The following PLCE1 variants were observed in gnomAD, a reference collection of about 807,000 sequenced individuals.
PLCE1 encodes the protein phospholipase C epsilon 1, also known as 1-phosphatidylinositol 4,5-bisphosphate phosphodiesterase epsilon-1.
PLCE1 carries 119 observed loss-of-function variants against 242.8 expected under a neutral mutation model. The observed-to-expected ratio is 0.49, with a 90% CI of 0.42 to 0.57. PLCE1 has a LOEUF of 0.57. Ranked by LOEUF, PLCE1 falls within the 20% of genes least tolerant of loss-of-function variation. The probability of loss-of-function intolerance (pLI) is 0.00; values close to 1 mark genes in which losing one functional copy is unlikely to be tolerated. For synonymous variants in PLCE1, 945 were observed against 1,017.4 expected (o/e 0.93, Z 1.35); for missense variants, 2,441 against 2,788.8 (o/e 0.88, Z 2.81).
chr10:94,146,109 G>A (rs61886308), intron 3 of PLCE1, among the ~76,000 whole-genome samples: 26,731 of 152,128 alleles, frequency 0.18, 2,428 homozygotes, highest in South Asian at 0.3. Flanking sequence ...CCTTAAGCAG[G>A]TTGAATTTTG....
chr10:94,180,988 G>A (rs1249367635), intron 4 of PLCE1, among the ~76,000 whole-genome samples: 1 of 152,222 alleles, frequency 6.6e-6, no homozygotes, highest in African/African-American at 2.4e-5. Flanking sequence ...AATGGACTAA[G>A]ACAGATAGCT....
intron 30 of PLCE1, among the ~76,000 whole-genome samples, chr10:94,322,675 C>A (rs977328445): frequency 6.6e-6 from 1 of 151,818 alleles, no homozygotes; most frequent in African/African-American, 2.4e-5. Context: ...ATCCCAGCTA[C>A]TTGGGAGGCT....
intron 2 of PLCE1, among the ~76,000 whole-genome samples, chr10:94,101,900 T>G (rs555701048): frequency 6.6e-6 from 1 of 152,206 alleles, no homozygotes; most frequent in East Asian, 1.9e-4. Context: ...ATAGGAGACA[T>G]GTACCCAGGA....
intron 2 of PLCE1, among the ~76,000 whole-genome samples, chr10:94,039,357 C>T (rs2061723184): frequency 6.6e-6 from 1 of 151,914 alleles, no homozygotes; most frequent in Non-Finnish European, 1.5e-5. Context: ...ACCAGCAATG[C>T]AAAAGGGTTC....
At chr10:94,163,155 G>T (rs1189745527) in intron 3 of PLCE1, among the ~76,000 whole-genome samples, 4 of 152,184 alleles carry the variant, frequency 2.6e-5, no homozygotes, top group Non-Finnish European at 4.4e-5. Context: ...GGAGAGTTTT[G>T]TAGATGTCTA....
At position 94,254,176 on chromosome 10, in the gene PLCE1, C is replaced by T; in HGVS notation, c.3280-14C>T. On this transcript the variant is annotated splice_polypyrimidine_tract_variant and intron_variant, in intron 9 of 32. Transcript: ENST00000371380. Reference sequence around the variant, plus strand: ...AATACAGGCTTGGAACCATCGTGAGCTTTGTGTTCCCAGGGTGAGAGTGGA... The same window carrying T: ...AATACAGGCTTGGAACCATCGTGAGTTTTGTGTTCCCAGGGTGAGAGTGGA... The T allele has an allele frequency of 3.8e-6, 6 of 1,576,782 alleles. No homozygotes were observed. Among genetic ancestry groups the T allele is most frequent in the Non-Finnish European group, 5.2e-6 (6 of 1,145,930 alleles).
chr10:94,320,030 G>A (rs1357034342), intron 29 of PLCE1, among the ~76,000 whole-genome samples: 1 of 151,836 alleles, frequency 6.6e-6, no homozygotes, highest in Admixed American at 6.6e-5. Context: ...TTAATGCATC[G>A]TTGTTGGGAC....
chr10:94,048,857 T>G (rs1220114359), intron 2 of PLCE1, among the ~76,000 whole-genome samples: 3 of 151,420 alleles, frequency 2.0e-5, no homozygotes, highest in Admixed American at 6.6e-5. Flanking sequence ...AGTATCAAAC[T>G]TCTGTGTTCA....
intron 2 of PLCE1, among the ~76,000 whole-genome samples, chr10:94,126,217 G>T (rs2046432036): frequency 6.6e-6 from 1 of 152,126 alleles, no homozygotes; most frequent in Non-Finnish European, 1.5e-5. Context: ...TCATTTCACA[G>T]CACCTACCAT....
rs544983455 is a variant in PLCE1, at chr10:94,032,103, T to A, written c.1057T>A (p.Ser353Thr). 1 of 1,611,230 alleles carries A rather than the reference T, an allele frequency of 6.2e-7. No homozygotes were observed. The highest frequency in any genetic ancestry group is 8.5e-7 in the Non-Finnish European group (1 of 1,178,946). The change falls in exon 2 of 33, where the codon TCT (serine) becomes ACT (threonine). Residue 353 changes from serine to threonine, a missense_variant. By Grantham distance (58) the Ser-to-Thr change is moderately conservative. Around this residue, in one of 5 missense-constraint regions of PLCE1, gnomAD observed 733 missense variants for 754.2 expected, o/e 0.97. Coordinates refer to ENST00000371380, the MANE Select transcript of PLCE1 (RefSeq NM_016341.4). The stretch of plus-strand genomic sequence containing the variant: ...AAGAGCAATTGTGAGAACTCTGCCT[T>A]CTGGCCACATTGGGCTGACTGCATG... ...GTRAIVRTLP[S>T]GHIGLTAWSY...
rs189057380 is a variant in PLCE1, at chr10:94,163,843, G to T, written c.1493-7337G>T. On this transcript the variant is annotated intron_variant, in intron 3 of 32. Transcript: ENST00000371380. ...TGCTTCCTTCAGGAGCTCTTTTAGGGTAGGCCTGGTGGTGACAAAATCTCT... is the reference window on the plus strand; with the variant it reads ...TGCTTCCTTCAGGAGCTCTTTTAGGTTAGGCCTGGTGGTGACAAAATCTCT... 7.4e-3 allele frequency among the ~76,000 whole-genome samples: 1,130 copies of T among 152,266 alleles called. 16 individuals carry two copies. Among genetic ancestry groups the T allele is most frequent in the African/African-American group, 0.026 (1,070 of 41,542 alleles).
chr10:94,132,183 G>A lies in PLCE1; in HGVS notation c.1216G>A (p.Ala406Thr). The A allele has an allele frequency of 1.2e-6, 2 of 1,613,498 alleles. No homozygotes were observed. Among genetic ancestry groups the A allele is most frequent in the Non-Finnish European group, 1.7e-6 (2 of 1,179,456 alleles). ...TTTGTGCTATTCACAGATCTACAAT[G>A]CAGTGAGAAGAGAAGAAACAGAAAA... Reference protein sequence around the residue: ...SEAQWYPIYNAVRREETENTV... With the variant: ...SEAQWYPIYNTVRREETENTV... Residue 406 changes from alanine (A) to threonine (T), a missense_variant, in exon 3 of 33, where the codon GCA becomes ACA. Physicochemically the swap from Ala to Thr is moderately conservative, Grantham distance 58. Around this residue, in one of 5 missense-constraint regions of PLCE1, gnomAD observed 733 missense variants for 754.2 expected, o/e 0.97. Transcript: ENST00000371380.
chr10:94,013,735 A>T (rs535234867), intron 1 of PLCE1, among the ~76,000 whole-genome samples: 1 of 152,274 alleles, frequency 6.6e-6, no homozygotes, highest in East Asian at 1.9e-4. Context: ...CTCAAATGAC[A>T]ACCAGGCAGG....
At chr10:94,255,714 T>G (rs1036898427) in intron 11 of PLCE1, among the ~76,000 whole-genome samples, 1 of 152,154 alleles carries the variant, frequency 6.6e-6, no homozygotes, top group African/African-American at 2.4e-5. Flanking sequence ...AAATTACATA[T>G]TTGAAACAAT....
intron 2 of PLCE1, among the ~76,000 whole-genome samples, chr10:94,080,304 C>G (rs1288462454): frequency 6.6e-6 from 1 of 152,214 alleles, no homozygotes. Flanking sequence ...CTGGGACACA[C>G]TCTCCTAGCT....
chr10:94,259,119 T>C lies in PLCE1; in HGVS notation c.3783T>C (p.Asp1261=), dbSNP rs1434225252. 1 of 1,614,078 alleles carries C rather than the reference T, an allele frequency of 6.2e-7. No individual in the cohort carries two copies. ...CACTCTACACCAACCTGACAATTGATGAAAACACCAGCGATCTTCAGCCTG... is the reference window on the plus strand; with the variant it reads ...CACTCTACACCAACCTGACAATTGACGAAAACACCAGCGATCTTCAGCCTG... ...SAPLYTNLTI[D]ENTSDLQPDL... Residue 1261 remains aspartate (D), a synonymous_variant, in exon 13 of 33, where the codon GAT becomes GAC. Transcript: ENST00000371380.
At chr10:94,112,459 A>G (rs2045984725) in intron 2 of PLCE1, among the ~76,000 whole-genome samples, 1 of 152,182 alleles carries the variant, frequency 6.6e-6, no homozygotes, top group South Asian at 2.1e-4. Context: ...TTTGAGGTTC[A>G]TTTCCCTGAA....
intron 2 of PLCE1, among the ~76,000 whole-genome samples, chr10:94,086,037 G>A (rs2044811954): frequency 6.6e-6 from 1 of 152,166 alleles, no homozygotes; most frequent in African/African-American, 2.4e-5. Context: ...GATCCTGGGG[G>A]CATGGCAGCA....
intron 2 of PLCE1, among the ~76,000 whole-genome samples, chr10:94,045,272 G>A (rs956197381): frequency 2.0e-5 from 3 of 152,042 alleles, no homozygotes; most frequent in African/African-American, 4.8e-5. Context: ...ATATGGGCTC[G>A]TGCCACCACA....
Sources: gnomAD v4.1 joint callset for allele counts (sites outside exome capture counted in the v4.1 genomes callset) on GRCh38, gnomAD v4.1.1 for gene constraint, gnomAD v4.1.1 regional missense constraint, MANE v1.5 for transcripts, NCBI Gene and HGNC (gene_info 2026-07-23, HGNC 2026-07-21) for gene names.